Variants in MDGA1 observed in about 807,000 individuals in gnomAD.
The protein encoded by MDGA1 is MAM domain-containing glycosylphosphatidylinositol anchor protein 1.
In MDGA1, 54 loss-of-function variants were observed where a neutral mutation model predicts 101.5. That is an observed-to-expected ratio of 0.53 (90% CI 0.43 to 0.67). The LOEUF is 0.67. Ranked by LOEUF, MDGA1 falls within the 30% of genes least tolerant of loss-of-function variation. The pLI is 0.00. For synonymous variants in MDGA1, 533 were observed against 558.3 expected, an observed-to-expected ratio of 0.95 and a Z score of 0.64; for missense variants, 1,083 against 1,323.8, an observed-to-expected ratio of 0.82 and a Z score of 2.82.
At chr6:37,695,000 C>G (rs1165040102) in intron 1 of MDGA1, among the ~76,000 whole-genome samples, 1 of 152,006 alleles carries the variant, frequency 6.6e-6, no homozygotes, top group Non-Finnish European at 1.5e-5. Flanking sequence ...ACTCTCATTG[C>G]TGGGTTTACT....
At chr6:37,650,027 G>T in intron 8 of MDGA1, 82 bp downstream of exon 8, 1 of 1,556,320 alleles carries the variant, frequency 6.4e-7, no homozygotes, top group Non-Finnish European at 8.8e-7. Flanking sequence ...ACTGGGGTGG[G>T]TGAGAGGATG....
chr6:37,680,447 T>G (rs2114090068), intron 1 of MDGA1, among the ~76,000 whole-genome samples: 1 of 152,290 alleles, frequency 6.6e-6, no homozygotes, highest in Admixed American at 6.5e-5. Flanking sequence ...GACAGAGGTA[T>G]GCAAAGGATG....
At chr6:37,642,744 T>C (rs2114002450) in intron 14 of MDGA1, among the ~76,000 whole-genome samples, 1 of 152,340 alleles carries the variant, frequency 6.6e-6, no homozygotes, top group East Asian at 1.9e-4. Context: ...TCTCAGCCCC[T>C]GTCCTTCCAC....
chr6:37,660,674 A>AT (rs1297150328), intron 2 of MDGA1, among the ~76,000 whole-genome samples: 1 of 151,974 alleles, frequency 6.6e-6, no homozygotes, highest in Non-Finnish European at 1.5e-5. Context: ...CCAATATTTA[A>AT]TTTTTTTAAA....
At chr6:37,637,605 A>C in intron 16 of MDGA1, 146 bp from the exon 17 acceptor site, 1 of 636,828 alleles carries the variant, frequency 1.6e-6, no homozygotes, top group Non-Finnish European at 2.8e-6. Flanking sequence ...ACACAGACAA[A>C]CTCACCGCAC....
chr6:37,645,958 T>C lies in MDGA1; in HGVS notation c.2225-2A>G. 1 of 1,613,904 alleles carries C rather than the reference T, an allele frequency of 6.2e-7. No individual in the cohort carries two copies. Among genetic ancestry groups the C allele is most frequent in the Non-Finnish European group, 8.5e-7 (1 of 1,179,858 alleles). ...CTGAAAGGTTCGGAGAGTTGATGGCTGAGAAAGCAAGCGGGGAAACCAAGT... is the reference window on the plus strand; with the variant it reads ...CTGAAAGGTTCGGAGAGTTGATGGCCGAGAAAGCAAGCGGGGAAACCAAGT... On this transcript the variant is annotated splice_acceptor_variant, in intron 11 of 16. Coordinates refer to ENST00000434837, the MANE Select transcript of MDGA1 (RefSeq NM_153487.4). LOFTEE classifies it high-confidence loss of function.
chr6:37,665,066 G>A (rs1026059120), intron 1 of MDGA1, among the ~76,000 whole-genome samples: 9 of 152,122 alleles, frequency 5.9e-5, no homozygotes, highest in African/African-American at 2.2e-4. Context: ...CAGTGCCCAG[G>A]GCTGAGCTGT....
At chr6:37,689,514 T>C (rs1486863525) in intron 1 of MDGA1, among the ~76,000 whole-genome samples, 1 of 152,192 alleles carries the variant, frequency 6.6e-6, no homozygotes, top group African/African-American at 2.4e-5. Flanking sequence ...CACCGTCTCA[T>C]CACAAGCCCA....
At position 37,650,317 on chromosome 6, in the gene MDGA1, G is replaced by A. The variant is rs367719481; in HGVS notation, c.1401C>T (p.Gly467=). Residue 467 remains glycine (G), a synonymous_variant, in exon 8 of 17, where the codon GGC becomes GGT. Transcript: ENST00000434837. ...ACCAGAGCACTGGCGGCCGCGGCTT[G>A]CCCCGCACCTCGCATTGCAGCTCGG... ...SPAELQCEVR[G]KPRPPVLWSR... is the part of the protein sequence containing the mutation. 9.4e-6 allele frequency: 15 copies of A among 1,590,248 alleles called. No homozygotes were observed. The African/African-American group carries it at 1.9e-4, about 20-fold the overall frequency.
intron 1 of MDGA1, among the ~76,000 whole-genome samples, chr6:37,674,929 C>T (rs995332998): frequency 4.6e-5 from 7 of 152,238 alleles, no homozygotes; most frequent in Non-Finnish European, 1.0e-4. Flanking sequence ...TGGTGGCAGG[C>T]GCCTGTAATC....
rs1581859085 is a variant in MDGA1, at chr6:37,652,776, A to G, written c.983-436T>C. Among the ~76,000 whole-genome samples, 1 of 152,364 alleles carries G rather than the reference A, an allele frequency of 6.6e-6. No individual in the cohort carries two copies. The highest frequency in any genetic ancestry group is 1.5e-5 in the Non-Finnish European group (1 of 68,028). On this transcript the variant is annotated intron_variant, in intron 6 of 16. Coordinates refer to ENST00000434837, the MANE Select transcript of MDGA1 (RefSeq NM_153487.4). The surrounding 1 kb of genome is among the most constrained non-coding windows in gnomAD (Gnocchi z 4.3). The stretch of plus-strand genomic sequence containing the variant: ...CTCAGAGTCTGAGCTCTTGACCCCT[A>G]CAATGCTTTGTTTTTATCATTGTTT...
intron 2 of MDGA1, among the ~76,000 whole-genome samples, chr6:37,660,128 A>G (rs1050019979): frequency 2.7e-5 from 4 of 149,888 alleles, no homozygotes; most frequent in Non-Finnish European, 5.9e-5. Context: ...TCCTCCTGCC[A>G]CAGACTCCCA....
intron 1 of MDGA1, among the ~76,000 whole-genome samples, chr6:37,679,615 T>C (rs575100925): frequency 1.9e-4 from 29 of 152,306 alleles, no homozygotes; most frequent in African/African-American, 7.0e-4. Flanking sequence ...GCCGCCTCCC[T>C]GGTGGCAGCC....
At position 37,635,597 on chromosome 6, in the gene MDGA1, G is replaced by T; in HGVS notation, c.*1771C>A. The T allele has an allele frequency of 2.5e-6, 1 of 398,672 alleles. No individual in the cohort carries two copies. The highest frequency in any genetic ancestry group is 3.6e-5 in the East Asian group (1 of 28,084). The allele number at this position is 398,672 out of a possible 1,614,324, so 24.7% of individuals were successfully genotyped here. A position where few individuals can be genotyped will look rare whatever the true frequency, so the allele number is the denominator to read the frequency against. ...CACACAGGCCTGGCAGGGGGAGATG[G>T]GCAGCCTTTGCCTCGGTTCCCCGCC... On this transcript the variant is annotated 3_prime_UTR_variant, in exon 17 of 17. Transcript: ENST00000434837.
chr6:37,658,332 C>A lies in MDGA1; in HGVS notation c.295G>T (p.Ala99Ser). The A allele has an allele frequency of 2.5e-6, 4 of 1,613,162 alleles. 1 individual carries two copies. In the South Asian group the frequency reaches 3.3e-5, roughly 13 times the overall value. ...FNETLRIERIARTQGGRYYCK... is the reference protein window; with the variant it reads ...FNETLRIERISRTQGGRYYCK... ...TAGTAGCGGCCGCCCTGCGTGCGTG[C>A]AATACGCTCGATGCGCAGCGTCTCG... The change falls in exon 3 of 17, where the codon GCA (alanine) becomes TCA (serine). Residue 99 changes from alanine (A) to serine (S), a missense_variant. Around this residue, in one of 3 missense-constraint regions of MDGA1, gnomAD observed 310 missense variants for 355.9 expected, o/e 0.87. Coordinates refer to ENST00000434837, the MANE Select transcript of MDGA1 (RefSeq NM_153487.4).
rs1274750079 is a variant in MDGA1 at position 37,696,901 on chromosome 6, TC to T, written c.-91del. The stretch of plus-strand genomic sequence containing the variant: ...GCCGGGGCCCCGCGACGCCCCTATG[TC>T]CCCCCCTTTCCCTGAGAGGTGAGAG... On this transcript the variant is annotated 5_prime_UTR_variant, in exon 1 of 17. Transcript: ENST00000434837. This position sits in a 1 kb window ranked among gnomAD's most constrained non-coding sequence, Gnocchi z 5.6. 19 of 1,012,266 alleles carry T rather than the reference TC, an allele frequency of 1.9e-5. No homozygotes were observed. Among genetic ancestry groups the T allele is most frequent in the Non-Finnish European group, 2.6e-5 (17 of 659,650 alleles). 62.7% of individuals were successfully genotyped at this position (1,012,266 alleles called of 1,614,324 possible).
Position 37,631,133 on chromosome 6 carries a change from C to A in MDGA1, c.*6235G>T, listed in dbSNP as rs148791208. 1 of 152,168 alleles carries A rather than the reference C, an allele frequency of 6.6e-6. No individual in the cohort carries two copies. Among genetic ancestry groups the A allele is most frequent in the East Asian group, 1.9e-4 (1 of 5,196 alleles). The allele number at this position is 152,168 out of a possible 1,614,324, so 9.4% of individuals were successfully genotyped here. On this transcript the variant is annotated 3_prime_UTR_variant, in exon 17 of 17. Coordinates refer to ENST00000434837, the MANE Select transcript of MDGA1 (RefSeq NM_153487.4). ...AGAATACAGAAGCACCAGAAGAATA[C>A]AGAAGCACCAGAAACTTCTGTAGAT...
chr6:37,697,068 C>G lies in MDGA1; in HGVS notation c.-257G>C. On this transcript the variant is annotated 5_prime_UTR_variant, in exon 1 of 17. Transcript: ENST00000434837. ...GGGTGCCTCGGCGCGCCCGGCACAGCAGCCAGCGCCCCGACCCGAGGAGCC... is the reference window on the plus strand; with the variant it reads ...GGGTGCCTCGGCGCGCCCGGCACAGGAGCCAGCGCCCCGACCCGAGGAGCC... 1 of 370,936 alleles carries G rather than the reference C, an allele frequency of 2.7e-6. No individual in the cohort carries two copies. The highest frequency in any genetic ancestry group is 4.8e-6 in the Non-Finnish European group (1 of 209,986). 23.0% of individuals were successfully genotyped at this position (370,936 alleles called of 1,614,324 possible). A position where few individuals can be genotyped will look rare whatever the true frequency, so the allele number is the denominator to read the frequency against.
At position 37,638,917 on chromosome 6, in the gene MDGA1, C is replaced by T. The variant is rs1763999720; in HGVS notation, c.2537-250G>A. On this transcript the variant is annotated intron_variant, in intron 14 of 16. Transcript: ENST00000434837. The surrounding 1 kb of genome is among the most constrained non-coding windows in gnomAD (Gnocchi z 4.8). Reference sequence around the variant, plus strand: ...AAATTTTCTTTCATTTCTTTCCTGCCCTGCTAATCAGCTAATCTCCCCAAC... The same window carrying T: ...AAATTTTCTTTCATTTCTTTCCTGCTCTGCTAATCAGCTAATCTCCCCAAC... The T allele has an allele frequency of 2.2e-6, 1 of 451,400 alleles. No homozygotes were observed. 28.0% of individuals were successfully genotyped at this position (451,400 alleles called of 1,614,324 possible). A position where few individuals can be genotyped will look rare whatever the true frequency, so the allele number is the denominator to read the frequency against.
Sources: gnomAD v4.1 joint callset for allele counts (sites outside exome capture counted in the v4.1 genomes callset) on GRCh38, gnomAD v4.1.1 for gene constraint, gnomAD v4.1.1 regional missense constraint, Gnocchi (gnomAD v3.1) non-coding constraint, MANE v1.5 for transcripts, NCBI Gene and HGNC (gene_info 2026-07-23, HGNC 2026-07-21) for gene names.